GPSM3: variants seen among roughly 807,000 people sequenced by gnomAD.
GPSM3 encodes the protein G protein signaling modulator 3.
GPSM3 carries 16 observed loss-of-function variants against 20.4 expected under a neutral mutation model. That is an observed-to-expected ratio of 0.78 (90% confidence interval 0.53 to 1.19). GPSM3 has a LOEUF of 1.19. GPSM3 is among the 50% of genes most tolerant of loss of function. GPSM3 has a pLI of 0.00. For synonymous variants in GPSM3, 70 were observed against 79.6 expected (o/e 0.88, Z 0.64); for missense variants, 177 against 204.6 (o/e 0.86, Z 0.82).
Position 32,191,571 on chromosome 6 carries a change from A to T in GPSM3, c.346-68T>A. On this transcript the variant is annotated intron_variant, in intron 3 of 3. Transcript: ENST00000375040. This position sits in a 1 kb window ranked among gnomAD's most constrained non-coding sequence, Gnocchi z 5.9. ...AGAGGAGGAGGTTCTTGAGAGGATC[A>T]AGGGTTGGTATGGGGAGGCATATAG... 6.6e-7 allele frequency: 1 copy of T among 1,515,036 alleles called. No individual in the cohort carries two copies. The highest frequency in any genetic ancestry group is 8.8e-7 in the Non-Finnish European group (1 of 1,130,316). The allele number at this position is 1,515,036 out of a possible 1,614,324, so 93.8% of individuals were successfully genotyped here. A position where few individuals can be genotyped will look rare whatever the true frequency, so the allele number is the denominator to read the frequency against.
At position 32,192,501 on chromosome 6, in the gene GPSM3, T is replaced by G; in HGVS notation, c.13A>C (p.Arg5=). The change falls in exon 1 of 4, where the codon AGA becomes CGA. Residue 5 remains arginine, a synonymous_variant. Coordinates refer to ENST00000375040, the MANE Select transcript of GPSM3 (RefSeq NM_001276501.2). The surrounding 1 kb of genome is among the most constrained non-coding windows in gnomAD (Gnocchi z 5.1). ...TCACCATCCTCTTCTTCCTGGGGTC[T>G]CTCAGCCTCCATCCCCTAGAGGGGA... MEAE[R]PQEEEDGEQG... 6.3e-7 allele frequency: 1 copy of G among 1,590,384 alleles called. No homozygotes were observed. Among genetic ancestry groups the G allele is most frequent in the Non-Finnish European group, 8.6e-7 (1 of 1,167,596 alleles).
upstream of GPSM3, chr6:32,192,719 C>T: frequency 2.2e-6 from 1 of 460,564 alleles, no homozygotes; most frequent in Non-Finnish European, 3.9e-6. This position sits in a 1 kb window ranked among gnomAD's most constrained non-coding sequence, Gnocchi z 5.1. Flanking sequence ...ATTCTCTTCC[C>T]ACCCAAACAG....
chr6:32,195,107 T>C, upstream of GPSM3: 1 of 349,556 alleles, frequency 2.9e-6, no homozygotes, highest in Non-Finnish European at 5.2e-6. The surrounding 1 kb of genome is among the most constrained non-coding windows in gnomAD (Gnocchi z 5.4). Flanking sequence ...TTGGAAACCA[T>C]ATATAGGAAA....
Position 32,191,370 on chromosome 6 carries a change from C to T in GPSM3, c.479G>A (p.Cys160Tyr), listed in dbSNP as rs756519126. ...GGGCTGGTTGGGGCTCAAGTCTCAG[C>T]AGGTGTGTGTGGGGGGCCGGGACCT... ...EQRSRPPTHT[C>Y] Residue 160 changes from cysteine to tyrosine, a missense_variant, in exon 4 of 4, where the codon TGC becomes TAC. Transcript: ENST00000375040. The surrounding 1 kb of genome is among the most constrained non-coding windows in gnomAD (Gnocchi z 5.9). 3 of 1,581,666 alleles carry T rather than the reference C, an allele frequency of 1.9e-6. No homozygotes were observed. The highest frequency in any genetic ancestry group is 1.7e-6 in the Non-Finnish European group (2 of 1,169,178).
chr6:32,191,158 T>A lies in GPSM3; in HGVS notation c.*208A>T. On this transcript the variant is annotated 3_prime_UTR_variant, in exon 4 of 4. Transcript: ENST00000375040. This position sits in a 1 kb window ranked among gnomAD's most constrained non-coding sequence, Gnocchi z 5.9. ...TCCCATGGACCTGTGGGCGGGGAGT[T>A]AAATCCCTGTTCCATCTCGCCTGTT... is the stretch of plus-strand genomic sequence containing the variant. 1.7e-6 allele frequency: 1 copy of A among 576,572 alleles called. No individual in the cohort carries two copies. Among genetic ancestry groups the A allele is most frequent in the East Asian group, 3.2e-5 (1 of 31,034 alleles). 35.7% of individuals were successfully genotyped at this position (576,572 alleles called of 1,614,324 possible). A position where few individuals can be genotyped will look rare whatever the true frequency, so the allele number is the denominator to read the frequency against.
In GPSM3 at chr6:32,192,337, C is replaced by A; in HGVS notation, c.43-87G>T. 7.4e-7 allele frequency: 1 copy of A among 1,351,040 alleles called. No individual in the cohort carries two copies. The highest frequency in any genetic ancestry group is 2.4e-5 in the East Asian group (1 of 41,012). The allele number at this position is 1,351,040 out of a possible 1,614,324, so 83.7% of individuals were successfully genotyped here. On this transcript the variant is annotated intron_variant, in intron 1 of 3. Coordinates refer to ENST00000375040, the MANE Select transcript of GPSM3 (RefSeq NM_001276501.2). The surrounding 1 kb of genome is among the most constrained non-coding windows in gnomAD (Gnocchi z 5.1). Reference sequence around the variant, plus strand: ...GGGGGCTAGGCCAGTGGCCCGTTTCCTCTCTGTGTGTCTCTGTTCCTGCCT... The same window carrying A: ...GGGGGCTAGGCCAGTGGCCCGTTTCATCTCTGTGTGTCTCTGTTCCTGCCT...
upstream of GPSM3, chr6:32,195,409 T>C: frequency 6.5e-7 from 1 of 1,530,654 alleles, no homozygotes; most frequent in Middle Eastern, 1.8e-4. The surrounding 1 kb of genome is among the most constrained non-coding windows in gnomAD (Gnocchi z 5.4). Flanking sequence ...GTAATCATTT[T>C]TGGAATTCCT....
chr6:32,195,522 G>A (rs1185818936), upstream of GPSM3: 1 of 1,613,060 alleles, frequency 6.2e-7, no homozygotes, highest in Non-Finnish European at 8.5e-7. This position sits in a 1 kb window ranked among gnomAD's most constrained non-coding sequence, Gnocchi z 5.4. Flanking sequence ...TCCCCGCTCC[G>A]GGGACGGAGT....
chr6:32,191,033 C>T lies in GPSM3; in HGVS notation c.*333G>A, dbSNP rs903245874. On this transcript the variant is annotated 3_prime_UTR_variant, in exon 4 of 4. Transcript: ENST00000375040. The surrounding 1 kb of genome is among the most constrained non-coding windows in gnomAD (Gnocchi z 5.9). ...AGGCCTGAGCCCTCAGACCCTACTGCCTAGTAGCTTGACAACTGGTGGTGT... is the reference window on the plus strand; with the variant it reads ...AGGCCTGAGCCCTCAGACCCTACTGTCTAGTAGCTTGACAACTGGTGGTGT... 1.8e-4 allele frequency: 50 copies of T among 280,976 alleles called. No individual in the cohort carries two copies. The highest frequency in any genetic ancestry group is 1.1e-3 in the African/African-American group (48 of 45,264). The allele number at this position is 280,976 out of a possible 1,614,324, so 17.4% of individuals were successfully genotyped here. A position where few individuals can be genotyped will look rare whatever the true frequency, so the allele number is the denominator to read the frequency against.
upstream of GPSM3, among the ~76,000 whole-genome samples, chr6:32,193,833 C>T (rs1787694643): frequency 6.6e-6 from 1 of 152,168 alleles, no homozygotes; most frequent in African/African-American, 2.4e-5. The surrounding 1 kb of genome is among the most constrained non-coding windows in gnomAD (Gnocchi z 4.7). Flanking sequence ...TTGATCAATG[C>T]TAATCAGGCT....
chr6:32,191,675 A>C lies in GPSM3; in HGVS notation c.345+34T>G, dbSNP rs777510082. On this transcript the variant is annotated intron_variant, in intron 3 of 3. Transcript: ENST00000375040. The surrounding 1 kb of genome is among the most constrained non-coding windows in gnomAD (Gnocchi z 5.9). ...AGAGAACAGGGGCCAAGAGACCAGG[A>C]GGCCTGGGTTTGCCTCCTGGGGGGA... 1 of 1,548,202 alleles carries C rather than the reference A, an allele frequency of 6.5e-7. No homozygotes were observed. Among genetic ancestry groups the C allele is most frequent in the Non-Finnish European group, 8.8e-7 (1 of 1,137,674 alleles).
chr6:32,191,460 G>A lies in GPSM3; in HGVS notation c.389C>T (p.Pro130Leu). ...EAQRSEPPLP[P>L]GGQELLELLL... ...CAACTCCAGGAGCTCTTGCCCCCCT[G>A]GAGGGAGGGGAGGCTCTGACCGCTG... The change falls in exon 4 of 4, where the codon CCA becomes CTA. Residue 130 changes from proline (P) to leucine (L), a missense_variant. Coordinates refer to ENST00000375040, the MANE Select transcript of GPSM3 (RefSeq NM_001276501.2). The surrounding 1 kb of genome is among the most constrained non-coding windows in gnomAD (Gnocchi z 5.9). The A allele has an allele frequency of 6.3e-7, 1 of 1,584,680 alleles. No homozygotes were observed.
At chr6:32,195,511 A>T (rs758349186), upstream of GPSM3, 1 of 1,613,000 alleles carries the variant, frequency 6.2e-7, no homozygotes, top group Non-Finnish European at 8.5e-7. The surrounding 1 kb of genome is among the most constrained non-coding windows in gnomAD (Gnocchi z 5.4). Flanking sequence ...AGTTGAGGTG[A>T]TCCCCGCTCC....
At chr6:32,194,917 G>C (rs72846305), upstream of GPSM3, 1 of 234,484 alleles carries the variant, frequency 4.3e-6, no homozygotes, top group Non-Finnish European at 8.4e-6. The surrounding 1 kb of genome is among the most constrained non-coding windows in gnomAD (Gnocchi z 4.5). Flanking sequence ...GCTAGAAGAA[G>C]CGCTTCATCC....
chr6:32,192,933 G>A (rs1787642632), upstream of GPSM3: 1 of 174,838 alleles, frequency 5.7e-6, no homozygotes, highest in East Asian at 1.4e-4. This position sits in a 1 kb window ranked among gnomAD's most constrained non-coding sequence, Gnocchi z 5.1. Context: ...AGCTACACAG[G>A]AAGTGGTTTC....
upstream of GPSM3, among the ~76,000 whole-genome samples, chr6:32,194,124 C>G (rs1787707572): frequency 6.6e-6 from 1 of 152,178 alleles, no homozygotes; most frequent in Non-Finnish European, 1.5e-5. The surrounding 1 kb of genome is among the most constrained non-coding windows in gnomAD (Gnocchi z 4.5). Context: ...ATATTATTGG[C>G]TTTCAAAATG....
At chr6:32,192,751 C>T (rs1233438125), upstream of GPSM3, 1 of 418,570 alleles carries the variant, frequency 2.4e-6, no homozygotes, top group Non-Finnish European at 4.3e-6. This position sits in a 1 kb window ranked among gnomAD's most constrained non-coding sequence, Gnocchi z 5.1. Flanking sequence ...TCTCTCGCCC[C>T]AGGGCAGCAC....
Position 32,192,086 on chromosome 6 carries a change from T to G in GPSM3, c.145+62A>C. On this transcript the variant is annotated intron_variant, in intron 2 of 3. Coordinates refer to ENST00000375040, the MANE Select transcript of GPSM3 (RefSeq NM_001276501.2). The surrounding 1 kb of genome is among the most constrained non-coding windows in gnomAD (Gnocchi z 5.1). The stretch of plus-strand genomic sequence containing the variant: ...GAGAGGGCCCACAATGGAGTGGGCC[T>G]TGGTAATGGGGTCAGGATGTGGGCA... 1 of 1,389,568 alleles carries G rather than the reference T, an allele frequency of 7.2e-7. No individual in the cohort carries two copies. The highest frequency in any genetic ancestry group is 1.4e-5 in the South Asian group (1 of 73,734). The allele number at this position is 1,389,568 out of a possible 1,614,324, so 86.1% of individuals were successfully genotyped here. A position where few individuals can be genotyped will look rare whatever the true frequency, so the allele number is the denominator to read the frequency against.
upstream of GPSM3, chr6:32,195,193 T>C: frequency 1.9e-6 from 1 of 533,874 alleles, no homozygotes; most frequent in Non-Finnish European, 3.3e-6. The surrounding 1 kb of genome is among the most constrained non-coding windows in gnomAD (Gnocchi z 5.4). Flanking sequence ...TGCCCTCCTG[T>C]GGCCTGTCTT....
Sources: allele counts gnomAD v4.1 joint callset (sites outside exome capture counted in the v4.1 genomes callset), GRCh38; gene constraint gnomAD v4.1.1; non-coding constraint Gnocchi (gnomAD v3.1); transcripts MANE v1.5; gene names NCBI Gene and HGNC (gene_info 2026-07-23, HGNC 2026-07-21).